The following NAV2 variants were observed in gnomAD, a reference collection of about 807,000 sequenced individuals.
The protein encoded by NAV2 is neuron navigator 2, also known as helicase, APC down-regulated 1.
Under a neutral mutation model 223.2 loss-of-function variants are expected in NAV2, and 54 were observed. The observed-to-expected ratio is 0.24, with a 90% CI of 0.19 to 0.30. The LOEUF is 0.30. NAV2 is among the 10% of genes least tolerant of loss of function. NAV2 has a pLI of 1.00. For missense variants in NAV2, 2,806 were observed against 3,147.5 expected (o/e 0.89, Z 2.60); for synonymous variants, 1,279 against 1,239.3 (o/e 1.03, Z -0.67).
chr11:19,520,346 A>C (rs1332340189), intron 1 of NAV2, among the ~76,000 whole-genome samples: 1 of 152,266 alleles, frequency 6.6e-6, no homozygotes, highest in Non-Finnish European at 1.5e-5. Flanking sequence ...GAAAAGTATT[A>C]AATGACTTGC....
chr11:19,565,843 G>A (rs7113813), intron 1 of NAV2, among the ~76,000 whole-genome samples: 2,163 of 152,178 alleles, frequency 0.014, 54 homozygotes, highest in African/African-American at 0.048. Flanking sequence ...TGGCTGTCTC[G>A]CCATCTAAAG....
intron 1 of NAV2, among the ~76,000 whole-genome samples, chr11:19,392,498 G>T (rs1163855293): frequency 6.6e-6 from 1 of 152,064 alleles, no homozygotes; most frequent in Non-Finnish European, 1.5e-5. Context: ...CAGTCAGCTG[G>T]GCTACATGTG....
intron 1 of NAV2, among the ~76,000 whole-genome samples, chr11:19,434,527 A>G (rs1851145753): frequency 6.6e-6 from 1 of 152,222 alleles, no homozygotes; most frequent in African/African-American, 2.4e-5. Flanking sequence ...TTGCCACCAG[A>G]AGCATGGAAT....
rs34775480 is a variant in NAV2, at chr11:20,095,689, C to T, written c.5934C>T (p.Leu1978=). Residue 1978 remains leucine (L), a synonymous_variant, in exon 30 of 38, where the codon CTC becomes CTT. Transcript: ENST00000349880. The part of the protein sequence containing the change: ...MKWKEDSRPH[L]FLIGCIGVSG... ...ACCCTTAGGATTCCAGACCACATCT[C>T]TTTCTTATTGGCTGCATTGGAGTTA... is the stretch of plus-strand genomic sequence containing the variant. 1 of 1,613,702 alleles carries T rather than the reference C, an allele frequency of 6.2e-7. No homozygotes were observed. Among genetic ancestry groups the T allele is most frequent in the South Asian group, 1.1e-5 (1 of 91,058 alleles).
intron 1 of NAV2, among the ~76,000 whole-genome samples, chr11:19,736,784 T>C (rs73429709): frequency 0.32 from 48,408 of 152,120 alleles, 10,240 homozygotes; most frequent in African/African-American, 0.61. Context: ...TGGCTACCTG[T>C]GGTGCTCATT....
intron 1 of NAV2, among the ~76,000 whole-genome samples, chr11:19,765,140 T>C (rs1396410777): frequency 6.6e-6 from 1 of 152,188 alleles, no homozygotes; most frequent in Non-Finnish European, 1.5e-5. Flanking sequence ...ACTTGTTTGC[T>C]TAGGACCCTC....
intron 3 of NAV2, among the ~76,000 whole-genome samples, chr11:19,857,617 C>T (rs1318049184): frequency 1.3e-5 from 2 of 152,190 alleles, no homozygotes; most frequent in Non-Finnish European, 1.5e-5. Context: ...TGTAGTCCCA[C>T]TCTGTCTACC....
At chr11:19,472,242 G>A (rs1300383205) in intron 1 of NAV2, among the ~76,000 whole-genome samples, 1 of 152,134 alleles carries the variant, frequency 6.6e-6, no homozygotes, top group African/African-American at 2.4e-5. Flanking sequence ...CGGTATAGAG[G>A]ATAAGCACAT....
chr11:19,964,032 T>G (rs2048553711), intron 10 of NAV2, among the ~76,000 whole-genome samples: 1 of 152,058 alleles, frequency 6.6e-6, no homozygotes, highest in Non-Finnish European at 1.5e-5. Context: ...AACCCACAAT[T>G]ACAAGCTCAG....
At chr11:19,750,415 C>T (rs1344070435) in intron 1 of NAV2, among the ~76,000 whole-genome samples, 1 of 152,216 alleles carries the variant, frequency 6.6e-6, no homozygotes, top group Admixed American at 6.5e-5. Flanking sequence ...GTTCCCTTGA[C>T]CTTTCAAACA....
intron 1 of NAV2, among the ~76,000 whole-genome samples, chr11:19,658,156 G>C (rs536555759): frequency 6.6e-6 from 1 of 152,174 alleles, no homozygotes; most frequent in East Asian, 1.9e-4. Flanking sequence ...CCTATGATGT[G>C]GGAACAATTA....
At chr11:19,403,339 T>C (rs1849764267) in intron 1 of NAV2, among the ~76,000 whole-genome samples, 1 of 152,060 alleles carries the variant, frequency 6.6e-6, no homozygotes, top group African/African-American at 2.4e-5. Context: ...ATACCAACAA[T>C]GATACTCTAG....
intron 11 of NAV2, among the ~76,000 whole-genome samples, chr11:20,007,448 T>G (rs889614535): frequency 6.6e-6 from 1 of 152,284 alleles, no homozygotes; most frequent in African/African-American, 2.4e-5. Context: ...TTGAGTGGCC[T>G]TGAGGCTTTG....
chr11:20,096,182 G>A lies in NAV2; in HGVS notation c.6012+415G>A, dbSNP rs181908244. Among the ~76,000 whole-genome samples, 579 of 152,290 alleles carry A rather than the reference G, an allele frequency of 3.8e-3. 6 individuals carry two copies. Among genetic ancestry groups the A allele is most frequent in the Non-Finnish European group, 3.5e-3 (235 of 68,022 alleles). On this transcript the variant is annotated intron_variant, in intron 30 of 37. Coordinates refer to ENST00000349880, the MANE Select transcript of NAV2 (RefSeq NM_145117.5). ...TTGGGGGATTTGATCTGATTTTCCC[G>A]GTATCCTGTGCCAACACTTCAGAGT...
At chr11:19,831,867 C>T (rs777274881) in intron 1 of NAV2, among the ~76,000 whole-genome samples, 1 of 152,100 alleles carries the variant, frequency 6.6e-6, no homozygotes, top group Non-Finnish European at 1.5e-5. Flanking sequence ...CACAGAATCC[C>T]AACAGTGAAA....
chr11:20,116,128 C>T (rs2063069198), intron 37 of NAV2, among the ~76,000 whole-genome samples: 1 of 152,000 alleles, frequency 6.6e-6, no homozygotes, highest in Admixed American at 6.5e-5. Context: ...TCTTGGCAGG[C>T]ATAGCAAAAA....
intron 1 of NAV2, among the ~76,000 whole-genome samples, chr11:19,724,087 G>A (rs553165828): frequency 1.8e-4 from 27 of 152,310 alleles, no homozygotes; most frequent in Non-Finnish European, 2.9e-4. Context: ...GGACATCTGA[G>A]CCAGAGGAGA....
chr11:20,046,601 C>CACACACACACACACACAG (rs1554924616), intron 14 of NAV2, among the ~76,000 whole-genome samples: 4 of 120,448 alleles, frequency 3.3e-5, no homozygotes, highest in Admixed American at 9.2e-5. Context: ...CCCCATCACA[C>CACACACACACACACACAG]ACACACACAC....
chr11:20,113,354 T>A lies in NAV2; in HGVS notation c.6961-1238T>A, dbSNP rs534427996. Among the ~76,000 whole-genome samples, 4 of 152,330 alleles carry A rather than the reference T, an allele frequency of 2.6e-5. No individual in the cohort carries two copies. In the South Asian group the frequency reaches 8.3e-4, roughly 32 times the overall value. On this transcript the variant is annotated intron_variant, in intron 36 of 37. Transcript: ENST00000349880. ...AATATAAAGCCTATACCTAGCTGTGTAATATACAGAGCCTCGTGTTGGGCC... is the reference window on the plus strand; with the variant it reads ...AATATAAAGCCTATACCTAGCTGTGAAATATACAGAGCCTCGTGTTGGGCC...
Sources: gnomAD v4.1 joint callset for allele counts (sites outside exome capture counted in the v4.1 genomes callset) on GRCh38, gnomAD v4.1.1 for gene constraint, MANE v1.5 for transcripts, NCBI Gene and HGNC (gene_info 2026-07-23, HGNC 2026-07-21) for gene names.